Variants in ASTN2 observed in about 807,000 individuals in gnomAD.
The protein encoded by ASTN2 is astrotactin 2.
In ASTN2, 54 loss-of-function variants were observed where a neutral mutation model predicts 139.8. The ratio of observed to expected loss-of-function variants is 0.39; its 90% CI spans 0.31 to 0.48. The LOEUF is 0.48. ASTN2 is among the 20% of genes least tolerant of loss of function. The probability of loss-of-function intolerance (pLI) is 0.95; values close to 1 mark genes in which losing one functional copy is unlikely to be tolerated. For synonymous variants in ASTN2, 756 were observed against 719.5 expected, an observed-to-expected ratio of 1.05 and a Z score of -0.81; for missense variants, 1,565 against 1,725.1, an observed-to-expected ratio of 0.91 and a Z score of 1.64.
intron 17 of ASTN2, among the ~76,000 whole-genome samples, chr9:116,639,429 A>C (rs1276491544): frequency 3.3e-5 from 5 of 152,218 alleles, no homozygotes; most frequent in Non-Finnish European, 5.9e-5. Flanking sequence ...ATTGTGAGAC[A>C]CATCTGGAAT....
At chr9:117,134,595 C>T (rs974988789) in intron 4 of ASTN2, among the ~76,000 whole-genome samples, 25 of 151,982 alleles carry the variant, frequency 1.6e-4, no homozygotes, top group African/African-American at 6.0e-4. Context: ...CAGCTTCATC[C>T]CTATGTGTAT....
At chr9:117,247,912 C>G (rs1004387898) in intron 2 of ASTN2, among the ~76,000 whole-genome samples, 2 of 152,198 alleles carry the variant, frequency 1.3e-5, no homozygotes, top group African/African-American at 4.8e-5. Flanking sequence ...TGGTATGAAG[C>G]ATGGCTCATG....
intron 1 of ASTN2, among the ~76,000 whole-genome samples, chr9:117,325,238 C>T (rs954216732): frequency 9.2e-5 from 14 of 152,162 alleles, no homozygotes; most frequent in Admixed American, 7.9e-4. Flanking sequence ...AGATTCTGGC[C>T]TCCCCTTCCA....
intron 3 of ASTN2, among the ~76,000 whole-genome samples, chr9:117,193,655 A>AAG (rs34862904): frequency 6.7e-6 from 1 of 148,902 alleles, no homozygotes; most frequent in Non-Finnish European, 1.5e-5. Flanking sequence ...AAAAAAAAAA[A>AAG]AGAAAAAGAA....
intron 10 of ASTN2, among the ~76,000 whole-genome samples, chr9:116,878,367 G>A (rs111904539): frequency 6.6e-6 from 1 of 152,306 alleles, no homozygotes; most frequent in East Asian, 1.9e-4. Context: ...GGAATACTAT[G>A]CAGCCATAAA....
At chr9:116,491,258 A>G (rs901411500) in intron 19 of ASTN2, among the ~76,000 whole-genome samples, 2 of 152,164 alleles carry the variant, frequency 1.3e-5, no homozygotes, top group Non-Finnish European at 2.9e-5. Context: ...TCTTTTTTCC[A>G]TTTAATCCTC....
At chr9:117,000,392 T>C (rs1213311953) in intron 7 of ASTN2, among the ~76,000 whole-genome samples, 3 of 152,350 alleles carry the variant, frequency 2.0e-5, no homozygotes, top group South Asian at 4.1e-4. Flanking sequence ...AATAAACATA[T>C]GAAAGAATGA....
intron 3 of ASTN2, among the ~76,000 whole-genome samples, chr9:117,198,678 G>A (rs1831596206): frequency 6.6e-6 from 1 of 152,124 alleles, no homozygotes; most frequent in East Asian, 1.9e-4. Context: ...TGGGTCAAAT[G>A]GTATTTCTGG....
At position 117,291,417 on chromosome 9, in the gene ASTN2, G is replaced by T. The variant is rs780254839; in HGVS notation, c.539C>A (p.Ser180Tyr). The change falls in exon 2 of 23, where the codon TCC becomes TAC. Residue 180 changes from serine to tyrosine, a missense_variant. Transcript: ENST00000313400. The stretch of plus-strand genomic sequence containing the variant: ...GGCGGTGGCTTGGGCCAGCTGCCCG[G>T]AGCTGCTCATGGAGACGTGGAAGTA... ...TLYFHVSMSS[S>Y]GQLAQATAPT... The T allele has an allele frequency of 6.2e-7, 1 of 1,614,208 alleles. No homozygotes were observed. The highest frequency in any genetic ancestry group is 8.5e-7 in the Non-Finnish European group (1 of 1,180,030).
chr9:117,205,723 C>T (rs1306434401), intron 3 of ASTN2, among the ~76,000 whole-genome samples: 2 of 152,144 alleles, frequency 1.3e-5, no homozygotes, highest in African/African-American at 2.4e-5. Flanking sequence ...AAAAATAAGG[C>T]TTTCTTTAGG....
intron 19 of ASTN2, among the ~76,000 whole-genome samples, chr9:116,576,805 A>G (rs530820318): frequency 6.6e-6 from 1 of 152,284 alleles, no homozygotes; most frequent in African/African-American, 2.4e-5. Context: ...AATCACACAA[A>G]GCAAGCCCCA....
At chr9:116,854,941 C>T (rs1318967462) in intron 11 of ASTN2, among the ~76,000 whole-genome samples, 4 of 151,520 alleles carry the variant, frequency 2.6e-5, no homozygotes, top group Admixed American at 6.6e-5. Context: ...TTTGAGCCAC[C>T]GCGCCCGGCC....
chr9:116,634,589 C>CAAAA lies in ASTN2; in HGVS notation c.3073-14150_3073-14147dup, dbSNP rs57882262. Among the ~76,000 whole-genome samples, 186 of 104,186 alleles carry CAAAA rather than the reference C, an allele frequency of 1.8e-3. 2 individuals are homozygous for CAAAA. Among genetic ancestry groups the CAAAA allele is most frequent in the African/African-American group, 6.3e-3 (160 of 25,402 alleles). The allele number at this position is 104,186 out of a possible 152,430, so 68.4% of individuals were successfully genotyped here. ...TGGGCGACAGAGCGAGACTCCGTCTCAAAAAAAAAAAAAAAAAAAAAAAAA... is the reference window on the plus strand; with the variant it reads ...TGGGCGACAGAGCGAGACTCCGTCTCAAAAAAAAAAAAAAAAAAAAAAAAAAAAA... On this transcript the variant is annotated intron_variant, in intron 17 of 22. Coordinates refer to ENST00000313400, the MANE Select transcript of ASTN2 (RefSeq NM_001365068.1).
At chr9:116,712,409 G>A (rs59003581) in intron 16 of ASTN2, among the ~76,000 whole-genome samples, 1,870 of 152,258 alleles carry the variant, frequency 0.012, 32 homozygotes, top group African/African-American at 0.043. Context: ...GCTCTCTGAA[G>A]GCAAGGCAAT....
intron 1 of ASTN2, among the ~76,000 whole-genome samples, chr9:117,344,175 A>G (rs1314490684): frequency 7.0e-6 from 1 of 142,952 alleles, no homozygotes; most frequent in Admixed American, 7.0e-5. Flanking sequence ...CTTCCACAAA[A>G]GCACGTGGAG....
intron 4 of ASTN2, among the ~76,000 whole-genome samples, chr9:117,122,648 G>C (rs1829586967): frequency 6.6e-6 from 1 of 152,170 alleles, no homozygotes; most frequent in Non-Finnish European, 1.5e-5. Flanking sequence ...CTAGGGGCTT[G>C]ACAGAGAAAG....
At chr9:116,749,399 C>T (rs1829339089) in intron 13 of ASTN2, among the ~76,000 whole-genome samples, 6 of 152,070 alleles carry the variant, frequency 3.9e-5, no homozygotes, top group Admixed American at 3.9e-4. Context: ...GAATACTGGA[C>T]ATATGGTCAC....
Position 116,597,304 on chromosome 9 carries a change from T to TG in ASTN2, c.3355+21019_3355+21020insC, listed in dbSNP as rs949074211. On this transcript the variant is annotated intron_variant, in intron 19 of 22. Transcript: ENST00000313400. ...TATTCCATGACTTTTGATCTATTTT[T>TG]TTTTTTTTTTTTTTTTTTTGGAGAT... Among the ~76,000 whole-genome samples, 76 of 133,482 alleles carry TG rather than the reference T, an allele frequency of 5.7e-4. 3 individuals carry two copies. Among genetic ancestry groups the TG allele is most frequent in the East Asian group, 1.2e-3 (5 of 4,226 alleles). The allele number at this position is 133,482 out of a possible 152,430, so 87.6% of individuals were successfully genotyped here.
intron 7 of ASTN2, among the ~76,000 whole-genome samples, chr9:116,993,779 A>G (rs1332275719): frequency 6.8e-6 from 1 of 147,398 alleles, no homozygotes; most frequent in African/African-American, 2.5e-5. Flanking sequence ...CAGTATATAT[A>G]TAGCACTTTA....
Sources: gnomAD v4.1 joint callset for allele counts (sites outside exome capture counted in the v4.1 genomes callset) on GRCh38, gnomAD v4.1.1 for gene constraint, MANE v1.5 for transcripts, NCBI Gene and HGNC (gene_info 2026-07-23, HGNC 2026-07-21) for gene names.